The following IGSF5 variants were observed in gnomAD, a reference collection of about 807,000 sequenced individuals.
IGSF5 encodes the protein immunoglobulin superfamily 5 like.
In IGSF5, 41 loss-of-function variants were observed where a neutral mutation model predicts 39.4. The ratio of observed to expected loss-of-function variants is 1.04; its 90% CI spans 0.81 to 1.35. The LOEUF (loss-of-function observed/expected upper bound fraction) is 1.35. Among genes scored for constraint, IGSF5 ranks in the 40% most tolerant of loss-of-function variants. IGSF5 has a pLI of 0.00. For synonymous variants in IGSF5, 183 were observed against 175.3 expected, an observed-to-expected ratio of 1.04 and a Z score of -0.34; for missense variants, 487 against 494.6, an observed-to-expected ratio of 0.98 and a Z score of 0.15.
rs1027562901 is a variant in IGSF5, at chr21:39,745,190, C to T, written c.-320C>T. 2.0e-5 allele frequency among the ~76,000 whole-genome samples: 3 copies of T among 151,146 alleles called. No homozygotes were observed. Among genetic ancestry groups the T allele is most frequent in the Admixed American group, 6.6e-5 (1 of 15,102 alleles). ...CTCTCTCTCTCCATCTCTCTCTCTCCGTGTCTCTCTCTTAGCCATTACAAA... is the reference window on the plus strand; with the variant it reads ...CTCTCTCTCTCCATCTCTCTCTCTCTGTGTCTCTCTCTTAGCCATTACAAA... On this transcript the variant is annotated 5_prime_UTR_variant, in exon 1 of 9. Transcript: ENST00000380588.
intron 4 of IGSF5, among the ~76,000 whole-genome samples, chr21:39,776,052 G>C (rs142730993): frequency 6.6e-6 from 1 of 152,070 alleles, no homozygotes; most frequent in East Asian, 1.9e-4. Flanking sequence ...ATCATTCCAA[G>C]AGTCTGTGTT....
intron 8 of IGSF5, among the ~76,000 whole-genome samples, chr21:39,799,817 G>A (rs465258): frequency 0.8 from 120,843 of 151,992 alleles, 48,172 homozygotes; most frequent in Admixed American, 0.84. Context: ...TGCATTCAAC[G>A]TAAATGAAAA....
the IGSF5 span, among the ~76,000 whole-genome samples, chr21:39,737,095 G>A: frequency 6.6e-6 from 1 of 151,588 alleles, no homozygotes; most frequent in Non-Finnish European, 1.5e-5. Flanking sequence ...CGGCTAATAT[G>A]TTGTCTCCCT....
At chr21:39,791,422 G>A (rs1017054378) in intron 6 of IGSF5, among the ~76,000 whole-genome samples, 94 of 152,110 alleles carry the variant, frequency 6.2e-4, no homozygotes, top group Non-Finnish European at 5.9e-4. Context: ...ATTCTTTGGC[G>A]TTCCATTGCC....
intron 6 of IGSF5, 189 bp from the exon 7 acceptor site, chr21:39,791,819 G>A (rs2146293972): frequency 1.9e-6 from 1 of 537,836 alleles, no homozygotes; most frequent in Middle Eastern, 5.1e-4. Context: ...CCCATAATGG[G>A]AATGTGTGAG....
intron 2 of IGSF5, among the ~76,000 whole-genome samples, chr21:39,755,402 C>T (rs183596938): frequency 1.7e-4 from 26 of 151,950 alleles, no homozygotes; most frequent in Middle Eastern, 3.4e-3. Context: ...CTGGCTAACA[C>T]GGTGAAACCC....
At chr21:39,747,788 TTTTC>T (rs1157774134) in intron 2 of IGSF5, among the ~76,000 whole-genome samples, 2 of 152,122 alleles carry the variant, frequency 1.3e-5, no homozygotes, top group East Asian at 3.8e-4. Context: ...CCTATTGCAT[TTTTC>T]TTCTGATTCA....
At chr21:39,717,866 G>C in the IGSF5 span, among the ~76,000 whole-genome samples, 1 of 151,994 alleles carries the variant, frequency 6.6e-6, no homozygotes, top group East Asian at 1.9e-4. Context: ...TTTTTTTCTA[G>C]TTCTGTGAAG....
chr21:39,791,650 G>T, intron 6 of IGSF5: 1 of 195,584 alleles, frequency 5.1e-6, no homozygotes, highest in Non-Finnish European at 1.0e-5. Flanking sequence ...AGATGTAACC[G>T]TGTTCCAATG....
Position 39,793,578 on chromosome 21 carries a change from G to C in IGSF5, c.1093G>C (p.Glu365Gln). 1 of 1,614,046 alleles carries C rather than the reference G, an allele frequency of 6.2e-7. No individual in the cohort carries two copies. The highest frequency in any genetic ancestry group is 1.1e-5 in the South Asian group (1 of 91,074). ...CAAATCCTGTGAATCCAGTGATCCTGAACAAAGAAACAGTAGCTGTGGCCC... is the reference window on the plus strand; with the variant it reads ...CAAATCCTGTGAATCCAGTGATCCTCAACAAAGAAACAGTAGCTGTGGCCC... ...PPKSCESSDPEQRNSSCGPPH... is the reference protein window; with the variant it reads ...PPKSCESSDPQQRNSSCGPPH... The change falls in exon 8 of 9, where the codon GAA (glutamate) becomes CAA (glutamine). Residue 365 changes from glutamate (E) to glutamine (Q), a missense_variant. Coordinates refer to ENST00000380588, the MANE Select transcript of IGSF5 (RefSeq NM_001080444.2).
chr21:39,764,465 G>A (rs12627665), intron 2 of IGSF5, among the ~76,000 whole-genome samples: 70,707 of 151,986 alleles, frequency 0.47, 16,937 homozygotes, highest in East Asian at 0.7. Flanking sequence ...TCAGCCTCTC[G>A]AGTAGCTGGG....
chr21:39,762,138 T>C (rs144018858), intron 2 of IGSF5, among the ~76,000 whole-genome samples: 112 of 152,316 alleles, frequency 7.4e-4, no homozygotes, highest in African/African-American at 2.3e-3. Flanking sequence ...AGAAATCGTG[T>C]AGCCAGCAGA....
At chr21:39,796,155 G>A (rs988725462) in intron 8 of IGSF5, among the ~76,000 whole-genome samples, 1 of 152,150 alleles carries the variant, frequency 6.6e-6, no homozygotes, top group African/African-American at 2.4e-5. Context: ...GAAAGGCTGG[G>A]CCTGGGGACA....
chr21:39,736,614 C>T, the IGSF5 span, among the ~76,000 whole-genome samples: 1 of 152,170 alleles, frequency 6.6e-6, no homozygotes, highest in Non-Finnish European at 1.5e-5. Flanking sequence ...CTCTCTTGCC[C>T]CAGTGTGGCC....
intron 8 of IGSF5, among the ~76,000 whole-genome samples, chr21:39,795,401 A>T (rs1363360303): frequency 1.3e-5 from 2 of 151,944 alleles, no homozygotes; most frequent in Non-Finnish European, 2.9e-5. Context: ...CATGATTTCC[A>T]CAGCCCTTCC....
intron 3 of IGSF5, among the ~76,000 whole-genome samples, chr21:39,769,129 C>T (rs1161673837): frequency 1.3e-5 from 2 of 152,106 alleles, no homozygotes; most frequent in East Asian, 1.9e-4. Flanking sequence ...TTCAACATAA[C>T]AGAAAATGAA....
chr21:39,755,391 C>T (rs889001529), intron 2 of IGSF5, among the ~76,000 whole-genome samples: 3 of 151,734 alleles, frequency 2.0e-5, no homozygotes, highest in Non-Finnish European at 4.4e-5. Flanking sequence ...TCGAGACCAT[C>T]CTGGCTAACA....
intron 3 of IGSF5, among the ~76,000 whole-genome samples, chr21:39,768,502 G>C (rs1193763724): frequency 6.6e-6 from 1 of 152,184 alleles, no homozygotes; most frequent in African/African-American, 2.4e-5. Context: ...TACAGAAAAA[G>C]GAAATCCTTC....
chr21:39,736,792 CT>C, the IGSF5 span, among the ~76,000 whole-genome samples: 1 of 152,196 alleles, frequency 6.6e-6, no homozygotes, highest in Non-Finnish European at 1.5e-5. Flanking sequence ...TAACAATATT[CT>C]CCAGTAGTGG....
Sources: gnomAD v4.1 joint callset for allele counts (sites outside exome capture counted in the v4.1 genomes callset) on GRCh38, gnomAD v4.1.1 for gene constraint, MANE v1.5 for transcripts, NCBI Gene and HGNC (gene_info 2026-07-23, HGNC 2026-07-21) for gene names.